The following SCHIP1 variants were observed in gnomAD, a reference collection of about 807,000 sequenced individuals.
SCHIP1 encodes the protein schwannomin interacting protein 1, also known as schwannomin-interacting protein 1.
Under a neutral mutation model 29.7 loss-of-function variants are expected in SCHIP1, and 8 were observed. The ratio of observed to expected loss-of-function variants is 0.27; its 90% CI spans 0.16 to 0.49. The LOEUF is 0.49. SCHIP1 is among the 20% of genes least tolerant of loss of function. SCHIP1 has a pLI of 0.99. For synonymous variants in SCHIP1, 76 were observed against 94.9 expected, an observed-to-expected ratio of 0.80 and a Z score of 1.16; for missense variants, 193 against 294.6, an observed-to-expected ratio of 0.66 and a Z score of 2.52.
At chr3:159,405,956 T>A in the SCHIP1 span, among the ~76,000 whole-genome samples, 1 of 150,898 alleles carries the variant, frequency 6.6e-6, no homozygotes, top group African/African-American at 2.4e-5. Context: ...AAAACGTGCC[T>A]AAAAAATCTA....
the SCHIP1 span, among the ~76,000 whole-genome samples, chr3:159,470,704 G>A: frequency 6.6e-6 from 1 of 152,014 alleles, no homozygotes; most frequent in Admixed American, 6.6e-5. Context: ...ACAGAACACA[G>A]GGCACAAATG....
At chr3:159,847,266 T>C (rs1163809543) in intron 1 of SCHIP1, among the ~76,000 whole-genome samples, 1 of 152,146 alleles carries the variant, frequency 6.6e-6, no homozygotes, top group African/African-American at 2.4e-5. Context: ...CACAAATATA[T>C]AAAATCTTGG....
chr3:159,521,643 G>A, the SCHIP1 span, among the ~76,000 whole-genome samples: 5 of 152,270 alleles, frequency 3.3e-5, no homozygotes, highest in South Asian at 4.1e-4. Flanking sequence ...CTGCTTCTTC[G>A]CTGGAATAAC....
At chr3:159,298,599 G>A in the SCHIP1 span, among the ~76,000 whole-genome samples, 1 of 152,132 alleles carries the variant, frequency 6.6e-6, no homozygotes, top group South Asian at 2.1e-4. Context: ...ATAATACACG[G>A]ACACTCTTGT....
At chr3:159,357,639 T>G in the SCHIP1 span, among the ~76,000 whole-genome samples, 4 of 152,198 alleles carry the variant, frequency 2.6e-5, no homozygotes, top group Non-Finnish European at 5.9e-5. Flanking sequence ...CATCCTGTTT[T>G]TAGAGTCACC....
the SCHIP1 span, among the ~76,000 whole-genome samples, chr3:159,478,692 T>A: frequency 6.6e-6 from 1 of 152,178 alleles, no homozygotes; most frequent in Admixed American, 6.5e-5. Flanking sequence ...ACAATATAAT[T>A]TTTTCTACCC....
chr3:159,664,162 G>A, the SCHIP1 span, among the ~76,000 whole-genome samples: 2 of 152,128 alleles, frequency 1.3e-5, no homozygotes, highest in East Asian at 3.8e-4. Context: ...AGGAGGAAAG[G>A]ACATTTCATT....
At chr3:159,315,050 A>G in the SCHIP1 span, among the ~76,000 whole-genome samples, 1 of 152,154 alleles carries the variant, frequency 6.6e-6, no homozygotes, top group Non-Finnish European at 1.5e-5. Context: ...GTTAGAAACA[A>G]TGTTCATGTT....
the SCHIP1 span, among the ~76,000 whole-genome samples, chr3:159,630,792 A>G: frequency 6.6e-6 from 1 of 152,320 alleles, no homozygotes; most frequent in East Asian, 1.9e-4. Flanking sequence ...CGATGGGTGC[A>G]CCAAAATCTC....
chr3:159,539,972 G>T, the SCHIP1 span, among the ~76,000 whole-genome samples: 1 of 151,990 alleles, frequency 6.6e-6, no homozygotes, highest in Non-Finnish European at 1.5e-5. Flanking sequence ...AAGACATGTT[G>T]TTCTCTGCTC....
the SCHIP1 span, among the ~76,000 whole-genome samples, chr3:159,658,607 G>A: frequency 6.6e-6 from 1 of 152,064 alleles, no homozygotes; most frequent in Non-Finnish European, 1.5e-5. Context: ...GTTCTCATCT[G>A]TTTATACTCA....
chr3:159,883,112 C>G (rs375972717), intron 2 of SCHIP1, among the ~76,000 whole-genome samples: 27 of 152,316 alleles, frequency 1.8e-4, no homozygotes, highest in Non-Finnish European at 2.8e-4. Flanking sequence ...CCAAGACAGA[C>G]CTTTCAGAAA....
the SCHIP1 span, among the ~76,000 whole-genome samples, chr3:159,467,958 A>G: frequency 6.6e-6 from 1 of 152,018 alleles, no homozygotes; most frequent in Non-Finnish European, 1.5e-5. Context: ...TCATTTAATC[A>G]TGGGTTGTCT....
At chr3:159,337,155 A>G in the SCHIP1 span, among the ~76,000 whole-genome samples, 1 of 152,146 alleles carries the variant, frequency 6.6e-6, no homozygotes, top group African/African-American at 2.4e-5. Flanking sequence ...AACACTTCAT[A>G]CTAAAAACTC....
At chr3:159,498,765 A>G in the SCHIP1 span, among the ~76,000 whole-genome samples, 1 of 152,212 alleles carries the variant, frequency 6.6e-6, no homozygotes, top group Non-Finnish European at 1.5e-5. Flanking sequence ...TAACGAAAAG[A>G]GAATAACTAA....
upstream of SCHIP1, among the ~76,000 whole-genome samples, chr3:159,838,416 G>A (rs1743879903): frequency 2.6e-5 from 4 of 152,212 alleles, no homozygotes; most frequent in Admixed American, 2.0e-4. Context: ...GTAGCACAGT[G>A]AAACTGCGTG....
the SCHIP1 span, among the ~76,000 whole-genome samples, chr3:159,571,340 G>T: frequency 6.6e-6 from 1 of 152,200 alleles, no homozygotes; most frequent in Non-Finnish European, 1.5e-5. Flanking sequence ...TTAGCATGAA[G>T]ATCTGTTGAA....
the SCHIP1 span, among the ~76,000 whole-genome samples, chr3:159,590,291 A>G: frequency 8.5e-5 from 13 of 152,156 alleles, no homozygotes; most frequent in Non-Finnish European, 1.5e-4. Flanking sequence ...CCAAACCAGT[A>G]GAGCTTTTCA....
At chr3:159,738,489 G>T in the SCHIP1 span, among the ~76,000 whole-genome samples, 1 of 152,096 alleles carries the variant, frequency 6.6e-6, no homozygotes, top group East Asian at 1.9e-4. Flanking sequence ...TTCACTGTGG[G>T]ACTTGTTATT....
Sources: gnomAD v4.1 joint callset for allele counts (sites outside exome capture counted in the v4.1 genomes callset) on GRCh38, gnomAD v4.1.1 for gene constraint, MANE v1.5 for transcripts, NCBI Gene and HGNC (gene_info 2026-07-23, HGNC 2026-07-21) for gene names.